Variants in PALD1 observed in about 807,000 individuals in gnomAD.
PALD1 encodes the protein paladin.
In PALD1, 57 loss-of-function variants were observed where a neutral mutation model predicts 96.0. The ratio of observed to expected loss-of-function variants is 0.59; its 90% CI spans 0.48 to 0.74. The LOEUF (loss-of-function observed/expected upper bound fraction) is 0.74. Among genes scored for constraint, PALD1 ranks in the 30% least tolerant of loss-of-function variants. The pLI is 0.00. For synonymous variants in PALD1, 464 were observed against 473.6 expected (o/e 0.98, Z 0.26); for missense variants, 1,063 against 1,143.7 (o/e 0.93, Z 1.02).
chr10:70,500,701 C>T (rs760032353), intron 1 of PALD1, among the ~76,000 whole-genome samples: 10 of 152,148 alleles, frequency 6.6e-5, no homozygotes, highest in Non-Finnish European at 1.0e-4. Context: ...CTTCTGTCAG[C>T]CTCTCTGTGC....
At chr10:70,506,769 A>T (rs1378505297) in intron 1 of PALD1, among the ~76,000 whole-genome samples, 1 of 152,128 alleles carries the variant, frequency 6.6e-6, no homozygotes, top group Admixed American at 6.6e-5. Flanking sequence ...GGTCTCAATC[A>T]GGCAACTCTC....
chr10:70,460,656 G>A, the PALD1 span, among the ~76,000 whole-genome samples: 37 of 152,104 alleles, frequency 2.4e-4, no homozygotes, highest in African/African-American at 8.7e-4. Flanking sequence ...AGGCCTCCCT[G>A]CCTCCACCCT....
upstream of PALD1, among the ~76,000 whole-genome samples, chr10:70,473,890 CA>C (rs1409630502): frequency 5.1e-5 from 1 of 19,596 alleles, no homozygotes; most frequent in African/African-American, 1.0e-4. Context: ...TCAGGTGATC[CA>C]CCCCCCCCCC....
chr10:70,530,121 G>A (rs1846963425), intron 4 of PALD1, 53 bp downstream of exon 4: 1 of 1,441,626 alleles, frequency 6.9e-7, no homozygotes, highest in African/African-American at 1.5e-5. Flanking sequence ...CAGGGAGAGG[G>A]GCACCTTGGA....
intron 19 of PALD1, 101 bp downstream of exon 19, chr10:70,564,620 G>A (rs1488698391): frequency 1.5e-5 from 17 of 1,116,232 alleles, no homozygotes; most frequent in Middle Eastern, 2.8e-4. Context: ...CGGGGACCCC[G>A]TGACAGGCGG....
chr10:70,475,559 GAA>G (rs56107102), upstream of PALD1, among the ~76,000 whole-genome samples: 151,253 of 152,348 alleles, frequency 0.99, 75,086 homozygotes, highest in East Asian at 1. Context: ...AGATGTCAGG[GAA>G]GAGTGGGGAG....
intron 5 of PALD1, among the ~76,000 whole-genome samples, chr10:70,531,983 AAAAAAAAAAAAG>A (rs2132370999): frequency 1.8e-5 from 2 of 112,036 alleles, no homozygotes; most frequent in Admixed American, 1.7e-4. Flanking sequence ...ACTCTTTCTA[AAAAAAAAAAAAG>A]AAAAAGAAAA....
In PALD1 at chr10:70,525,959, C is replaced by T. The variant is rs779192052; in HGVS notation, c.8C>T (p.Thr3Ile). The T allele has an allele frequency of 6.2e-7, 1 of 1,614,076 alleles. No homozygotes were observed. The highest frequency in any genetic ancestry group is 8.5e-7 in the Non-Finnish European group (1 of 1,180,018). Reference protein sequence around the residue: MGTTASTAQQTVS... With the variant: MGITASTAQQTVS... ...TGAGGCTGCTGGCAGACTATGGGTA[C>T]AACGGCCAGCACAGCCCAGCAGACG... The change falls in exon 2 of 20, where the codon ACA (threonine) becomes ATA (isoleucine). Residue 3 changes from threonine to isoleucine, a missense_variant. By Grantham distance (89) the Thr-to-Ile change is moderately conservative (BLOSUM62 -1). Transcript: ENST00000263563.
chr10:70,476,278 G>A (rs564551657), upstream of PALD1, among the ~76,000 whole-genome samples: 1 of 152,302 alleles, frequency 6.6e-6, no homozygotes, highest in South Asian at 2.1e-4. Context: ...TGATTCTTTC[G>A]TTCTGCCTGG....
At position 70,541,552 on chromosome 10, in the gene PALD1, G is replaced by A. The variant is rs758077242; in HGVS notation, c.2121+18G>A. 1.3e-6 allele frequency: 2 copies of A among 1,596,380 alleles called. No homozygotes were observed. Among genetic ancestry groups the A allele is most frequent in the Non-Finnish European group, 1.7e-6 (2 of 1,166,232 alleles). On this transcript the variant is annotated intron_variant, in intron 17 of 19. Transcript: ENST00000263563. Reference sequence around the variant, plus strand: ...AATTTCAGGTGAGCATGCCCTGCGGGGTCCCTGAGGCACCTTGGGATGGGA... The same window carrying A: ...AATTTCAGGTGAGCATGCCCTGCGGAGTCCCTGAGGCACCTTGGGATGGGA...
chr10:70,460,448 C>T, the PALD1 span, among the ~76,000 whole-genome samples: 5 of 152,308 alleles, frequency 3.3e-5, no homozygotes, highest in East Asian at 1.9e-4. Flanking sequence ...AACTCCTCTG[C>T]GCCTTCTCCA....
intron 1 of PALD1, among the ~76,000 whole-genome samples, chr10:70,520,703 T>C (rs1376595622): frequency 6.8e-6 from 1 of 147,696 alleles, no homozygotes; most frequent in African/African-American, 2.5e-5. Context: ...TTTTTTTTTT[T>C]TTTTTGCGGT....
chr10:70,465,100 G>A, the PALD1 span, among the ~76,000 whole-genome samples: 16 of 151,758 alleles, frequency 1.1e-4, no homozygotes, highest in Non-Finnish European at 2.2e-4. Context: ...TCAGCCTCCC[G>A]AGTAGCTGGG....
intron 1 of PALD1, among the ~76,000 whole-genome samples, chr10:70,513,612 A>T (rs1242066424): frequency 6.6e-6 from 1 of 152,224 alleles, no homozygotes. Context: ...TGAACGTCAG[A>T]CATCAAGAGG....
chr10:70,489,954 G>A (rs1019136183), intron 1 of PALD1, among the ~76,000 whole-genome samples: 6 of 151,546 alleles, frequency 4.0e-5, no homozygotes, highest in African/African-American at 1.2e-4. Context: ...ATGGAGTCTC[G>A]CTCTGTTGCC....
chr10:70,488,853 TGGGGTCTGGGTGGATGTATTCTGCTGCTG>T (rs1413005303), intron 1 of PALD1, among the ~76,000 whole-genome samples: 12 of 150,032 alleles, frequency 8.0e-5, no homozygotes, highest in Non-Finnish European at 1.6e-4. Context: ...GACCCGTCCC[TGGGGTCTGGGTGGATGTATTCTGCTGCTG>T]GGGGTCTGGG....
intron 1 of PALD1, among the ~76,000 whole-genome samples, chr10:70,490,885 T>G (rs1846086348): frequency 6.6e-6 from 1 of 152,224 alleles, no homozygotes; most frequent in African/African-American, 2.4e-5. Flanking sequence ...CTCGGAAAGC[T>G]GGCTTGTTTG....
intron 1 of PALD1, among the ~76,000 whole-genome samples, chr10:70,514,741 A>G (rs1023960985): frequency 1.1e-4 from 16 of 152,308 alleles, no homozygotes; most frequent in Non-Finnish European, 2.2e-4. Context: ...AATTATTGTC[A>G]GGGGAACACG....
intron 1 of PALD1, among the ~76,000 whole-genome samples, chr10:70,484,661 C>G (rs1589167898): frequency 6.6e-6 from 1 of 152,140 alleles, no homozygotes; most frequent in East Asian, 1.9e-4. Context: ...GCCTCAGCCT[C>G]CTTAGTAGCT....
Sources: allele counts gnomAD v4.1 joint callset (sites outside exome capture counted in the v4.1 genomes callset), GRCh38; gene constraint gnomAD v4.1.1; transcripts MANE v1.5; gene names NCBI Gene and HGNC (gene_info 2026-07-23, HGNC 2026-07-21).